BMP1: variants seen among roughly 807,000 people sequenced by gnomAD.
BMP1 encodes bone morphogenetic protein 1.
BMP1 carries 63 observed loss-of-function variants against 116.8 expected under a neutral mutation model. That is an observed-to-expected ratio of 0.54 (90% CI 0.44 to 0.67). The LOEUF is 0.67. Ranked by LOEUF, BMP1 falls within the 30% of genes least tolerant of loss-of-function variation. The pLI is 0.00. For synonymous variants in BMP1, 536 were observed against 533.4 expected (o/e 1.00, Z -0.07); for missense variants, 1,183 against 1,358.9 (o/e 0.87, Z 2.04).
At chr8:22,178,974 A>G (rs1586442785) in intron 6 of BMP1, among the ~76,000 whole-genome samples, 1 of 151,716 alleles carries the variant, frequency 6.6e-6, no homozygotes, top group Non-Finnish European at 1.5e-5. Context: ...TGCCCCCCAC[A>G]CCCACAGACC....
Position 22,172,607 on chromosome 8 carries a change from CTTTTTTTTTTT to C in BMP1, c.149-982_149-972del, listed in dbSNP as rs368585884. ...GAAAAATGGTACAATTTTATTTCCTCTTTTTTTTTTTTTTTTTTTTTTTGAGACAGGGTCTC... is the reference window on the plus strand; with the variant it reads ...GAAAAATGGTACAATTTTATTTCCTCTTTTTTTTTTTTGAGACAGGGTCTC... On this transcript the variant is annotated intron_variant, in intron 1 of 19. Coordinates refer to ENST00000306385, the MANE Select transcript of BMP1 (RefSeq NM_006129.5). Among the ~76,000 whole-genome samples the C allele has an allele frequency of 1.7e-3, 170 of 97,326 alleles. 2 individuals carry two copies. The South Asian group carries it at 0.018, about 10-fold the overall frequency. 63.8% of individuals were successfully genotyped at this position (97,326 alleles called of 152,430 possible).
intron 8 of BMP1, among the ~76,000 whole-genome samples, chr8:22,186,673 GC>G (rs1828779643): frequency 6.6e-6 from 1 of 151,824 alleles, no homozygotes; most frequent in South Asian, 2.1e-4. Context: ...CGCCATGTTG[GC>G]CAGTCTCGTC....
chr8:22,194,688 C>A lies in BMP1; in HGVS notation c.1444-36C>A, dbSNP rs532903677. On this transcript the variant is annotated intron_variant, in intron 11 of 19. Coordinates refer to ENST00000306385, the MANE Select transcript of BMP1 (RefSeq NM_006129.5). The surrounding 1 kb of genome is among the most constrained non-coding windows in gnomAD (Gnocchi z 4.5). ...CTCCCAGGGGTGGGTCTCTGGCAGC[C>A]AGAGCCCCTTCCACTGATGAAGCCT... 1 of 1,592,052 alleles carries A rather than the reference C, an allele frequency of 6.3e-7. No homozygotes were observed. The highest frequency in any genetic ancestry group is 1.3e-5 in the African/African-American group (1 of 74,414).
intron 8 of BMP1, among the ~76,000 whole-genome samples, chr8:22,182,784 C>A (rs1193082521): frequency 6.6e-6 from 1 of 152,196 alleles, no homozygotes; most frequent in Non-Finnish European, 1.5e-5. Flanking sequence ...AGCACACACA[C>A]CCCTTTGAAG....
intron 16 of BMP1, 117 bp from the exon 17 acceptor site, chr8:22,206,737 T>C: frequency 1.4e-6 from 2 of 1,459,950 alleles, no homozygotes; most frequent in East Asian, 2.3e-5. Flanking sequence ...ATCCAGTTCA[T>C]AAGTGGGACA....
chr8:22,191,550 C>T (rs1828931306), intron 8 of BMP1, among the ~76,000 whole-genome samples: 1 of 152,160 alleles, frequency 6.6e-6, no homozygotes, highest in South Asian at 2.1e-4. Context: ...CTGCAGTGAG[C>T]TGTGATTGTA....
Position 22,176,963 on chromosome 8 carries a change from G to A in BMP1, c.554G>A (p.Cys185Tyr), listed in dbSNP as rs1828457935. 1.9e-6 allele frequency: 3 copies of A among 1,609,230 alleles called. No homozygotes were observed. Residue 185 changes from cysteine (C) to tyrosine (Y), a missense_variant and splice_region_variant, in exon 5 of 20, where the codon TGC becomes TAC. By Grantham distance (194) the Cys-to-Tyr change is radical. Transcript: ENST00000306385. ...YIVFTYRPCGCCSYVGRRGGG... is the reference protein window; with the variant it reads ...YIVFTYRPCGYCSYVGRRGGG... ...CCTGAGCTGGCCCCGCCCTCCAGGT[G>A]CTGCTCCTACGTGGGTCGCCGCGGC...
chr8:22,195,067 G>A, intron 12 of BMP1, 148 bp downstream of exon 12: 2 of 839,086 alleles, frequency 2.4e-6, no homozygotes, highest in Non-Finnish European at 3.6e-6. Context: ...TGGGCTAGCT[G>A]GGGAGAAGAG....
intron 1 of BMP1, among the ~76,000 whole-genome samples, chr8:22,166,312 T>C (rs980224027): frequency 1.3e-5 from 2 of 151,914 alleles, no homozygotes; most frequent in Non-Finnish European, 2.9e-5. Flanking sequence ...ATCAGCTCTG[T>C]CACCCCCGAG....
In BMP1 at chr8:22,206,838, A is replaced by C. The variant is rs151171707; in HGVS notation, c.2234-16A>C. On this transcript the variant is annotated splice_polypyrimidine_tract_variant and intron_variant, in intron 16 of 19. Transcript: ENST00000306385. ...GGGTCCCTCTCTATCCCCTTCCGTC[A>C]CTCGCTTCCCTGCAGCCGGCTGTGA... 1.1e-3 allele frequency: 1,698 copies of C among 1,613,962 alleles called. 31 individuals are homozygous for C. In the East Asian group the frequency reaches 0.034, roughly 33 times the overall value.
At chr8:22,197,511 C>T in intron 15 of BMP1, 91 bp downstream of exon 15, 1 of 1,427,026 alleles carries the variant, frequency 7.0e-7, no homozygotes, top group Non-Finnish European at 9.5e-7. Context: ...TACTCCCCAG[C>T]CCTCCCTGGT....
Position 22,209,441 on chromosome 8 carries a change from A to T in BMP1, c.2576-4A>T. 1 of 1,613,932 alleles carries T rather than the reference A, an allele frequency of 6.2e-7. No individual in the cohort carries two copies. The highest frequency in any genetic ancestry group is 8.5e-7 in the Non-Finnish European group (1 of 1,179,886). ...GGCTGGTTGGCCCCTCTTGTCCCCT[A>T]CAGAGTGCGGGGGCCAGGTACGGGC... is the stretch of plus-strand genomic sequence containing the variant. On this transcript the variant is annotated splice_region_variant and splice_polypyrimidine_tract_variant and intron_variant, in intron 18 of 19. Coordinates refer to ENST00000306385, the MANE Select transcript of BMP1 (RefSeq NM_006129.5).
intron 15 of BMP1, chr8:22,201,287 C>T (rs549557414): frequency 1.3e-6 from 2 of 1,529,766 alleles, no homozygotes; most frequent in East Asian, 2.3e-5. Context: ...GCCCACCAAC[C>T]CCCCACCTCC....
chr8:22,192,295 G>A (rs1230730303), intron 9 of BMP1, 144 bp downstream of exon 9: 3 of 646,956 alleles, frequency 4.6e-6, no homozygotes, highest in Non-Finnish European at 8.0e-6. Context: ...GGCATCATTA[G>A]TCCCAGATAG....
In BMP1 at chr8:22,176,279, G is replaced by A; in HGVS notation, c.399G>A (p.Gly133=). ...TSRPERVWPD[G]VIPFVIGGNF... Reference sequence around the variant, plus strand: ...GACCAGAGCGTGTGTGGCCCGATGGGGTCATCCCCTTTGTCATTGGGGGAA... The same window carrying A: ...GACCAGAGCGTGTGTGGCCCGATGGAGTCATCCCCTTTGTCATTGGGGGAA... The change falls in exon 3 of 20, where the codon GGG becomes GGA. Residue 133 remains glycine (G), a synonymous_variant. Transcript: ENST00000306385. The A allele has an allele frequency of 6.2e-7, 1 of 1,608,898 alleles. No homozygotes were observed. Among genetic ancestry groups the A allele is most frequent in the Non-Finnish European group, 8.5e-7 (1 of 1,177,096 alleles).
At position 22,192,034 on chromosome 8, in the gene BMP1, C is replaced by T. The variant is rs751032725; in HGVS notation, c.1078-15C>T. On this transcript the variant is annotated splice_polypyrimidine_tract_variant and intron_variant, in intron 8 of 19. Coordinates refer to ENST00000306385, the MANE Select transcript of BMP1 (RefSeq NM_006129.5). ...TTCGGGACAGCTTAACCCTCTTCCT[C>T]CCCTGTTGCCCTAGATCATCCTGAA... is the stretch of plus-strand genomic sequence containing the variant. 78 of 1,605,174 alleles carry T rather than the reference C, an allele frequency of 4.9e-5. No homozygotes were observed. Among genetic ancestry groups the T allele is most frequent in the Non-Finnish European group, 6.1e-5 (72 of 1,172,310 alleles).
Position 22,196,723 on chromosome 8 carries a change from C to T in BMP1, c.1809C>T (p.Thr603=). Residue 603 remains threonine (T), a synonymous_variant, in exon 14 of 20, where the codon ACC becomes ACT. Coordinates refer to ENST00000306385, the MANE Select transcript of BMP1 (RefSeq NM_006129.5). ...GFLTKLNGSI[T]SPGWPKEYPP... ...TCACCAAGCTCAACGGCTCCATCAC[C>T]AGCCCGGGCTGGCCCAAGGAGTACC... is the stretch of plus-strand genomic sequence containing the variant. The T allele has an allele frequency of 1.9e-6, 3 of 1,614,178 alleles. No individual in the cohort carries two copies. Among genetic ancestry groups the T allele is most frequent in the East Asian group, 4.5e-5 (2 of 44,858 alleles).
chr8:22,211,285 C>G (rs1439617849), intron 19 of BMP1, among the ~76,000 whole-genome samples: 1 of 152,220 alleles, frequency 6.6e-6, no homozygotes, highest in South Asian at 2.1e-4. Context: ...GAGCAGAGAC[C>G]TTTTGCTCCT....
chr8:22,194,554 G>C lies in BMP1; in HGVS notation c.1407G>C (p.Glu469Asp). 1 of 1,614,188 alleles carries C rather than the reference G, an allele frequency of 6.2e-7. No individual in the cohort carries two copies. Among genetic ancestry groups the C allele is most frequent in the Non-Finnish European group, 8.5e-7 (1 of 1,180,028 alleles). The change falls in exon 11 of 20, where the codon GAG becomes GAC. Residue 469 changes from glutamate (E) to aspartate (D), a missense_variant. Around this residue, in one of 4 missense-constraint regions of BMP1, gnomAD observed 956 missense variants for 1,135.2 expected, o/e 0.84. Coordinates refer to ENST00000306385, the MANE Select transcript of BMP1 (RefSeq NM_006129.5). This position sits in a 1 kb window ranked among gnomAD's most constrained non-coding sequence, Gnocchi z 4.5. ...GCATCTGGCGGATCCAGGTGTCTGA[G>C]GGCTTCCACGTGGGCCTCACATTCC... ...KVCIWRIQVS[E>D]GFHVGLTFQS...
Sources: allele counts gnomAD v4.1 joint callset (sites outside exome capture counted in the v4.1 genomes callset), GRCh38; gene constraint gnomAD v4.1.1; regional missense constraint gnomAD v4.1.1; non-coding constraint Gnocchi (gnomAD v3.1); transcripts MANE v1.5; gene names NCBI Gene and HGNC (gene_info 2026-07-23, HGNC 2026-07-21).